The following NACC1 variants were observed in gnomAD, a reference collection of about 807,000 sequenced individuals.
NACC1 encodes the protein nucleus accumbens associated 1.
In NACC1, 6 loss-of-function variants were observed where a neutral mutation model predicts 41.7. That is an observed-to-expected ratio of 0.14 (90% CI 0.08 to 0.28). The LOEUF (loss-of-function observed/expected upper bound fraction) is 0.28. NACC1 is among the 10% of genes least tolerant of loss of function. The pLI is 1.00. For missense variants in NACC1, 434 were observed against 763.7 expected, an observed-to-expected ratio of 0.57 and a Z score of 5.09; for synonymous variants, 338 against 330.6, an observed-to-expected ratio of 1.02 and a Z score of -0.24.
intron 1 of NACC1, among the ~76,000 whole-genome samples, chr19:13,131,287 G>C (rs2019631649): frequency 6.6e-6 from 1 of 152,172 alleles, no homozygotes; most frequent in Non-Finnish European, 1.5e-5. Context: ...GCAGGATTTT[G>C]GCAGCACTGC....
chr19:13,118,242 GCGCGGCTTGCGCTCGCT>G (rs2145606148), upstream of NACC1: 1 of 150,228 alleles, frequency 6.7e-6, no homozygotes, highest in African/African-American at 2.4e-5. Context: ...TGCGGCGGCA[GCGCGGCTTGCGCTCGCT>G]CGGCGCTCGG....
chr19:13,135,931 CCAGCCGGTG>C lies in NACC1; in HGVS notation c.725_733del (p.Pro242_Gly245delinsArg). 1 of 1,583,710 alleles carries C rather than the reference CCAGCCGGTG, an allele frequency of 6.3e-7. No individual in the cohort carries two copies. Among genetic ancestry groups the C allele is most frequent in the Non-Finnish European group, 8.6e-7 (1 of 1,166,608 alleles). On this transcript the variant is annotated inframe_deletion, in exon 2 of 6. Transcript: ENST00000292431. ...CGCCGTGGCTGCGGGAGCAGGGCAG[CCAGCCGGTG>C]GGGTGGCAGCAGCAGGGGGTGTGGT...
intron 1 of NACC1, among the ~76,000 whole-genome samples, chr19:13,123,448 T>TGGGAGGAGGGAGAGGC (rs1311011453): frequency 6.6e-6 from 1 of 151,202 alleles, no homozygotes; most frequent in Admixed American, 6.6e-5. Context: ...GAGGAGCGAG[T>TGGGAGGAGGGAGAGGC]GGGAGGAGGG....
At position 13,138,829 on chromosome 19, in the gene NACC1, TTC is replaced by T. The variant is rs975746737; in HGVS notation, c.*426_*427del. On this transcript the variant is annotated 3_prime_UTR_variant, in exon 6 of 6. Transcript: ENST00000292431. The surrounding 1 kb of genome is among the most constrained non-coding windows in gnomAD (Gnocchi z 5.7). ...TGGGACTTGAGGGGGGCCCCAGGGG[TTC>T]TCAGGACCCCTCCCACCACCTCCCA... 16 of 185,652 alleles carry T rather than the reference TTC, an allele frequency of 8.6e-5. No individual in the cohort carries two copies. The highest frequency in any genetic ancestry group is 1.7e-4 in the Non-Finnish European group (15 of 87,760). The allele number at this position is 185,652 out of a possible 1,614,324, so 11.5% of individuals were successfully genotyped here.
At chr19:13,117,304 GAACTT>G (rs2019399272), upstream of NACC1, among the ~76,000 whole-genome samples, 1 of 152,204 alleles carries the variant, frequency 6.6e-6, no homozygotes, top group Admixed American at 6.5e-5. Context: ...TGTTAACTCT[GAACTT>G]AAGTTACCGC....
At chr19:13,118,950 G>A (rs555302901) in intron 1 of NACC1, among the ~76,000 whole-genome samples, 1 of 152,116 alleles carries the variant, frequency 6.6e-6, no homozygotes, top group Admixed American at 6.5e-5. Context: ...AGGCCTGGGG[G>A]CGGCTGAGGA....
intron 1 of NACC1, among the ~76,000 whole-genome samples, chr19:13,122,653 A>G (rs942358346): frequency 1.5e-4 from 23 of 151,902 alleles, no homozygotes; most frequent in African/African-American, 5.3e-4. Flanking sequence ...CTGGGTGGGG[A>G]ATCTCCACTG....
intron 1 of NACC1, among the ~76,000 whole-genome samples, chr19:13,130,169 T>A (rs2019616461): frequency 6.6e-6 from 1 of 152,118 alleles, no homozygotes; most frequent in Non-Finnish European, 1.5e-5. Context: ...CTCTAACTTT[T>A]TGGCTCAAGT....
intron 1 of NACC1, among the ~76,000 whole-genome samples, chr19:13,119,318 C>T (rs1201915799): frequency 6.6e-6 from 1 of 152,092 alleles, no homozygotes; most frequent in Non-Finnish European, 1.5e-5. Flanking sequence ...TGACCCTACC[C>T]CTTGGGCAAG....
At position 13,137,696 on chromosome 19, in the gene NACC1, C is replaced by T. The variant is rs374283310; in HGVS notation, c.1324+121C>T. 4.9e-6 allele frequency: 4 copies of T among 811,534 alleles called. No homozygotes were observed. The African/African-American group carries it at 5.2e-5, about 11-fold the overall frequency. 50.3% of individuals were successfully genotyped at this position (811,534 alleles called of 1,614,324 possible). A position where few individuals can be genotyped will look rare whatever the true frequency, so the allele number is the denominator to read the frequency against. ...GTTGAGAAGCATTCTGGGGCTCATTCTAGCCTTGCTGGGAAACCGGCTGTG... is the reference window on the plus strand; with the variant it reads ...GTTGAGAAGCATTCTGGGGCTCATTTTAGCCTTGCTGGGAAACCGGCTGTG... On this transcript the variant is annotated intron_variant, in intron 5 of 5. Transcript: ENST00000292431. This position sits in a 1 kb window ranked among gnomAD's most constrained non-coding sequence, Gnocchi z 6.1.
intron 1 of NACC1, among the ~76,000 whole-genome samples, chr19:13,122,523 C>CGGG (rs79172329): frequency 1.3e-4 from 10 of 76,900 alleles, no homozygotes; most frequent in African/African-American, 4.7e-4. Flanking sequence ...TTGCCCCTGC[C>CGGG]GGGGGGGGGG....
chr19:13,129,606 G>A (rs969664177), intron 1 of NACC1, among the ~76,000 whole-genome samples: 7 of 152,198 alleles, frequency 4.6e-5, no homozygotes, highest in African/African-American at 9.6e-5. Context: ...GCCCCACTCC[G>A]CTCGTCCCCA....
Position 13,138,208 on chromosome 19 carries a change from C to T in NACC1, c.1386C>T (p.Asp462=), listed in dbSNP as rs147213591. ...KESEMNAIAA[D]MCTNARRVVR... Reference sequence around the variant, plus strand: ...GCGAGATGAATGCCATCGCGGCCGACATGTGCACCAACGCCCGCCGCGTCG... The same window carrying T: ...GCGAGATGAATGCCATCGCGGCCGATATGTGCACCAACGCCCGCCGCGTCG... The change falls in exon 6 of 6, where the codon GAC becomes GAT. Residue 462 remains aspartate (D), a synonymous_variant. Transcript: ENST00000292431. This position sits in a 1 kb window ranked among gnomAD's most constrained non-coding sequence, Gnocchi z 5.7. 9.5e-4 allele frequency: 1,532 copies of T among 1,614,220 alleles called. 6 individuals carry two copies. The Middle Eastern group carries it at 0.015, about 16-fold the overall frequency.
intron 1 of NACC1, among the ~76,000 whole-genome samples, chr19:13,122,538 GTGC>G (rs1753993060): frequency 1.0e-5 from 1 of 99,600 alleles, no homozygotes; most frequent in Non-Finnish European, 2.2e-5. Context: ...GGGGGGGGGT[GTGC>G]TGCTGGCATC....
chr19:13,132,192 G>A (rs1054290249), intron 1 of NACC1, among the ~76,000 whole-genome samples: 1 of 151,604 alleles, frequency 6.6e-6, no homozygotes, highest in Non-Finnish European at 1.5e-5. Context: ...AAGGCAGGTG[G>A]ATCATTTGAG....
At chr19:13,128,662 C>T (rs1012324979) in intron 1 of NACC1, among the ~76,000 whole-genome samples, 2 of 152,204 alleles carry the variant, frequency 1.3e-5, no homozygotes, top group Non-Finnish European at 2.9e-5. Flanking sequence ...TCAGGCACCC[C>T]AGTGTGTAGC....
chr19:13,121,269 A>G (rs1019035324), intron 1 of NACC1, among the ~76,000 whole-genome samples: 2 of 152,046 alleles, frequency 1.3e-5, no homozygotes, highest in East Asian at 1.9e-4. Context: ...TTTCTTGAGT[A>G]TGTACCAGTC....
chr19:13,123,457 GGA>G (rs1215523452), intron 1 of NACC1, among the ~76,000 whole-genome samples: 1 of 152,182 alleles, frequency 6.6e-6, no homozygotes, highest in Admixed American at 6.5e-5. Flanking sequence ...GTGGGAGGAG[GGA>G]GAGGCAGCAC....
Position 13,138,047 on chromosome 19 carries a change from C to G in NACC1, c.1325-100C>G, listed in dbSNP as rs533269186. The G allele has an allele frequency of 1.3e-6, 2 of 1,537,368 alleles. No individual in the cohort carries two copies. Among genetic ancestry groups the G allele is most frequent in the Non-Finnish European group, 1.8e-6 (2 of 1,135,974 alleles). On this transcript the variant is annotated intron_variant, in intron 5 of 5. Transcript: ENST00000292431. The surrounding 1 kb of genome is among the most constrained non-coding windows in gnomAD (Gnocchi z 5.7). The stretch of plus-strand genomic sequence containing the variant: ...GGCCGCGTGGCCTCACTCGTTTCCC[C>G]TTTGAGAGGGAGTCGCAGATGCTGT...
Sources: allele counts gnomAD v4.1 joint callset (sites outside exome capture counted in the v4.1 genomes callset), GRCh38; gene constraint gnomAD v4.1.1; non-coding constraint Gnocchi (gnomAD v3.1); transcripts MANE v1.5; gene names NCBI Gene and HGNC (gene_info 2026-07-23, HGNC 2026-07-21).